The following DLGAP2 variants were observed in gnomAD, a reference collection of about 807,000 sequenced individuals.
The protein encoded by DLGAP2 is disks large-associated protein 2.
A neutral mutation model predicts 100.3 loss-of-function variants in DLGAP2; 26 were observed. That is an observed-to-expected ratio of 0.26 (90% confidence interval 0.19 to 0.36). DLGAP2 has a LOEUF of 0.36. Ranked by LOEUF, DLGAP2 falls within the 10% of genes least tolerant of loss-of-function variation. The pLI, the probability that DLGAP2 is intolerant of heterozygous loss-of-function variation, is 1.00. For synonymous variants in DLGAP2, 886 were observed against 630.1 expected (o/e 1.41, Z -6.08); for missense variants, 1,858 against 1,453.2 (o/e 1.28, Z -4.53).
chr8:1,197,071 A>G (rs1402978241), intron 2 of DLGAP2, among the ~76,000 whole-genome samples: 3 of 152,060 alleles, frequency 2.0e-5, no homozygotes, highest in Non-Finnish European at 4.4e-5. Flanking sequence ...AGAAGGAACA[A>G]ATTCTCCTTT....
chr8:919,206 G>A (rs1013950799), intron 2 of DLGAP2, among the ~76,000 whole-genome samples: 1 of 152,166 alleles, frequency 6.6e-6, no homozygotes, highest in African/African-American at 2.4e-5. Flanking sequence ...AATTGAAACT[G>A]GTTTAATGTA....
intron 3 of DLGAP2, among the ~76,000 whole-genome samples, chr8:1,289,389 A>G (rs1454887274): frequency 1.3e-5 from 2 of 152,202 alleles, no homozygotes; most frequent in African/African-American, 2.4e-5. Flanking sequence ...TGCCACCTCA[A>G]TTCCACTGTT....
intron 8 of DLGAP2, among the ~76,000 whole-genome samples, chr8:1,644,391 C>G (rs35888747): frequency 0.26 from 40,111 of 152,174 alleles, 5,408 homozygotes; most frequent in Middle Eastern, 0.49. Flanking sequence ...CCCTCTCGCT[C>G]CCACCCGCTC....
chr8:777,439 C>A (rs563122163), intron 1 of DLGAP2, among the ~76,000 whole-genome samples: 2 of 152,004 alleles, frequency 1.3e-5, no homozygotes, highest in East Asian at 3.9e-4. Flanking sequence ...CAGTTTCTTC[C>A]TAGTCTCGAT....
At chr8:1,543,051 A>G (rs1801416413) in intron 4 of DLGAP2, among the ~76,000 whole-genome samples, 1 of 152,140 alleles carries the variant, frequency 6.6e-6, no homozygotes, top group Non-Finnish European at 1.5e-5. Context: ...TATTATTTGG[A>G]TTATTTGTCT....
At chr8:960,829 C>A (rs1429174752) in intron 2 of DLGAP2, among the ~76,000 whole-genome samples, 1 of 152,160 alleles carries the variant, frequency 6.6e-6, no homozygotes, top group Non-Finnish European at 1.5e-5. Context: ...TAAGTTGAAC[C>A]ATTATAAGTC....
rs1351975631 is a variant in DLGAP2, at chr8:1,538,344, C to A, written c.173-10282C>A. Among the ~76,000 whole-genome samples the A allele has an allele frequency of 4.6e-5, 7 of 152,200 alleles. No individual in the cohort carries two copies. The East Asian group carries it at 1.3e-3, about 29-fold the overall frequency. ...TCCAGGCTGTCCGTTCCCCCAATTT[C>A]ATTATGCCCCCAAAAGGCTGGGCAC... On this transcript the variant is annotated intron_variant, in intron 4 of 14. Coordinates refer to ENST00000637795, the MANE Select transcript of DLGAP2 (RefSeq NM_001346810.2).
intron 2 of DLGAP2, among the ~76,000 whole-genome samples, chr8:1,103,105 C>T (rs551392986): frequency 4.6e-5 from 7 of 151,910 alleles, no homozygotes; most frequent in Non-Finnish European, 7.4e-5. Flanking sequence ...TGAGGTTTTC[C>T]GGGGTCTTTC....
intron 2 of DLGAP2, among the ~76,000 whole-genome samples, chr8:925,962 T>G (rs1398270949): frequency 6.6e-6 from 1 of 152,146 alleles, no homozygotes; most frequent in South Asian, 2.1e-4. Flanking sequence ...GGATATGTCA[T>G]GGAGAATGAA....
intron 3 of DLGAP2, among the ~76,000 whole-genome samples, chr8:1,439,516 G>A (rs2130057208): frequency 6.6e-6 from 1 of 152,320 alleles, no homozygotes; most frequent in Admixed American, 6.5e-5. Context: ...GAGGCCCACA[G>A]TGGCTATGTT....
intron 2 of DLGAP2, among the ~76,000 whole-genome samples, chr8:1,111,965 CTT>C (rs1392857801): frequency 6.6e-6 from 1 of 152,082 alleles, no homozygotes; most frequent in Non-Finnish European, 1.5e-5. Context: ...GCTTGTAACT[CTT>C]TGAGGAATCA....
At chr8:1,336,382 G>A (rs1282810397) in intron 3 of DLGAP2, among the ~76,000 whole-genome samples, 1 of 152,320 alleles carries the variant, frequency 6.6e-6, no homozygotes, top group Admixed American at 6.5e-5. Context: ...GAAAAGTGGC[G>A]AGGAGGAGGA....
At chr8:1,460,005 A>T (rs1200633699) in intron 3 of DLGAP2, among the ~76,000 whole-genome samples, 1 of 152,196 alleles carries the variant, frequency 6.6e-6, no homozygotes. Context: ...TAATGGAATG[A>T]AGTCAGTAAA....
At chr8:1,165,734 T>G (rs1426220001) in intron 2 of DLGAP2, among the ~76,000 whole-genome samples, 2 of 152,248 alleles carry the variant, frequency 1.3e-5, no homozygotes, top group African/African-American at 4.8e-5. Context: ...TTATGAAGAT[T>G]TGCTCTTTCA....
At position 1,607,099 on chromosome 8, in the gene DLGAP2, C is replaced by G. The variant is rs141171479; in HGVS notation, c.1443-19641C>G. On this transcript the variant is annotated intron_variant, in intron 6 of 14. Transcript: ENST00000637795. ...TTTGACCTTTTGAGGAACTCCCAGA[C>G]TGTTTTTCAAAGTGGCTGTACTACA... Among the ~76,000 whole-genome samples the G allele has an allele frequency of 1.2e-3, 189 of 152,284 alleles. 2 individuals carry two copies. In the South Asian group the frequency reaches 0.015, roughly 12 times the overall value.
intron 3 of DLGAP2, among the ~76,000 whole-genome samples, chr8:1,323,221 G>T (rs1157162964): frequency 6.6e-6 from 1 of 151,904 alleles, no homozygotes; most frequent in Non-Finnish European, 1.5e-5. Flanking sequence ...CTGGAGACAG[G>T]GTTTCATTGT....
chr8:1,613,538 A>G (rs1223683067), intron 6 of DLGAP2, among the ~76,000 whole-genome samples: 2 of 135,170 alleles, frequency 1.5e-5, no homozygotes, highest in Admixed American at 7.4e-5. Context: ...AACTTAAAGT[A>G]TAATAAAAAA....
chr8:1,470,775 A>ACCCCTCCAGGCTTTCACGACC (rs1563168449), intron 3 of DLGAP2, among the ~76,000 whole-genome samples: 1 of 75,982 alleles, frequency 1.3e-5, no homozygotes, highest in Non-Finnish European at 3.2e-5. Context: ...GCCTTTCCCG[A>ACCCCTCCAGGCTTTCACGACC]CTCCCCCAGC....
chr8:1,145,256 G>A (rs991814336), intron 2 of DLGAP2, among the ~76,000 whole-genome samples: 3 of 151,948 alleles, frequency 2.0e-5, no homozygotes, highest in Non-Finnish European at 4.4e-5. Flanking sequence ...GCCACCATCC[G>A]GAAACACAAC....
Sources: allele counts gnomAD v4.1 joint callset (sites outside exome capture counted in the v4.1 genomes callset), GRCh38; gene constraint gnomAD v4.1.1; transcripts MANE v1.5; gene names NCBI Gene and HGNC (gene_info 2026-07-23, HGNC 2026-07-21).